The following TAF4 variants were observed in gnomAD, a reference collection of about 807,000 sequenced individuals.
TAF4 encodes TATA-box binding protein associated factor 4, also known as transcription initiation factor TFIID subunit 4.
Under a neutral mutation model 90.3 loss-of-function variants are expected in TAF4, and 9 were observed. The observed-to-expected ratio is 0.10, with a 90% CI of 0.06 to 0.17. TAF4 has a LOEUF of 0.17. Ranked by LOEUF, TAF4 falls within the 10% of genes least tolerant of loss-of-function variation. The probability of loss-of-function intolerance (pLI) is 1.00; values close to 1 mark genes in which losing one functional copy is unlikely to be tolerated. For synonymous variants in TAF4, 818 were observed against 638.9 expected, an observed-to-expected ratio of 1.28 and a Z score of -4.23; for missense variants, 1,351 against 1,370.7, an observed-to-expected ratio of 0.99 and a Z score of 0.23.
intron 9 of TAF4, among the ~76,000 whole-genome samples, chr20:62,002,901 T>G (rs2055716052): frequency 6.6e-6 from 1 of 152,234 alleles, no homozygotes; most frequent in Admixed American, 6.5e-5. Flanking sequence ...AAAAATGAAT[T>G]TCCTATTAGT....
intron 13 of TAF4, among the ~76,000 whole-genome samples, 197 bp downstream of exon 13, chr20:61,997,939 A>C (rs2055673746): frequency 6.6e-6 from 1 of 152,266 alleles, no homozygotes; most frequent in Non-Finnish European, 1.5e-5. Context: ...GTCACCGTTG[A>C]ATTTAAAAGT....
rs2056123966 is a variant in TAF4, at chr20:62,065,367, C to CGCGGCGACG, written c.435_443dup (p.Val146_Ala148dup). 6 of 966,210 alleles carry CGCGGCGACG rather than the reference C, an allele frequency of 6.2e-6. No individual in the cohort carries two copies. The highest frequency in any genetic ancestry group is 3.7e-6 in the Non-Finnish European group (3 of 821,028). The allele number at this position is 966,210 out of a possible 1,614,324, so 59.9% of individuals were successfully genotyped here. ...GGCCGGCGGGGGCGGGCTCGGGCCC[C>CGCGGCGACG]GCGGCGACGGCGGCGGCGGCGGGCA... On this transcript the variant is annotated inframe_insertion, in exon 1 of 15. Transcript: ENST00000252996.
At chr20:62,023,088 C>A (rs2055852922) in intron 1 of TAF4, among the ~76,000 whole-genome samples, 1 of 152,152 alleles carries the variant, frequency 6.6e-6, no homozygotes. Context: ...TAGAAACTGA[C>A]AAGGTGATTC....
chr20:62,040,819 G>A (rs1267583170), intron 1 of TAF4, among the ~76,000 whole-genome samples: 2 of 152,190 alleles, frequency 1.3e-5, no homozygotes, highest in Non-Finnish European at 2.9e-5. Flanking sequence ...ACGACTCAGC[G>A]ATTCCACTCC....
At chr20:61,988,177 C>T (rs1241342347) in intron 14 of TAF4, among the ~76,000 whole-genome samples, 1 of 152,088 alleles carries the variant, frequency 6.6e-6, no homozygotes, top group Non-Finnish European at 1.5e-5. Flanking sequence ...AATGTACACA[C>T]CAAGAGTGCA....
Position 62,006,498 on chromosome 20 carries a change from C to A in TAF4, c.2223+12G>T. On this transcript the variant is annotated intron_variant, in intron 7 of 14. Transcript: ENST00000252996. The surrounding 1 kb of genome is among the most constrained non-coding windows in gnomAD (Gnocchi z 7.0). Reference sequence around the variant, plus strand: ...GTGGGCTGTGCAGACCAGTCAGGCGCCCCTTCCATACCAGCGGTGTGGGTT... The same window carrying A: ...GTGGGCTGTGCAGACCAGTCAGGCGACCCTTCCATACCAGCGGTGTGGGTT... 2.0e-6 allele frequency: 3 copies of A among 1,498,706 alleles called. No homozygotes were observed. Among genetic ancestry groups the A allele is most frequent in the Non-Finnish European group, 2.7e-6 (3 of 1,123,824 alleles). 92.8% of individuals were successfully genotyped at this position (1,498,706 alleles called of 1,614,324 possible). A position where few individuals can be genotyped will look rare whatever the true frequency, so the allele number is the denominator to read the frequency against.
chr20:62,050,505 C>T (rs902933285), intron 1 of TAF4, among the ~76,000 whole-genome samples: 1 of 152,078 alleles, frequency 6.6e-6, no homozygotes, highest in East Asian at 1.9e-4. Context: ...GGGGTGCTGG[C>T]AGCACAGTCT....
rs2056117207 is a variant in TAF4 at position 62,064,999 on chromosome 20, G to A, written c.812C>T (p.Pro271Leu). The A allele has an allele frequency of 3.8e-6, 1 of 266,534 alleles. No individual in the cohort carries two copies. The highest frequency in any genetic ancestry group is 5.4e-6 in the Non-Finnish European group (1 of 183,734). The allele number at this position is 266,534 out of a possible 1,614,324, so 16.5% of individuals were successfully genotyped here. ...PAPAAPAAAP[P>L]PPPPAPATLA... ...AGTGGCGGGCGCGGGGGGTGGCGGG[G>A]GCGGGGCGGCGGCGGGGGCGGCGGG... Residue 271 changes from proline to leucine, a missense_variant, in exon 1 of 15, where the codon CCC becomes CTC. Coordinates refer to ENST00000252996, the MANE Select transcript of TAF4 (RefSeq NM_003185.4).
intron 1 of TAF4, among the ~76,000 whole-genome samples, chr20:62,035,102 G>T (rs1000382541): frequency 9.9e-5 from 15 of 152,176 alleles, no homozygotes; most frequent in Admixed American, 3.3e-4. Flanking sequence ...TTACAGGCGT[G>T]AGCCACCGCA....
chr20:62,062,664 C>T (rs2056095904), intron 1 of TAF4, among the ~76,000 whole-genome samples: 1 of 152,164 alleles, frequency 6.6e-6, no homozygotes, highest in South Asian at 2.1e-4. Context: ...CAAACACACC[C>T]GACCCTAAAA....
chr20:62,016,155 T>C (rs1047561750), intron 1 of TAF4, among the ~76,000 whole-genome samples: 1 of 152,226 alleles, frequency 6.6e-6, no homozygotes, highest in Non-Finnish European at 1.5e-5. Context: ...CCAGAGCTGC[T>C]GCGCGTAACG....
chr20:61,993,954 T>A (rs1215437155), intron 14 of TAF4, among the ~76,000 whole-genome samples: 1 of 152,126 alleles, frequency 6.6e-6, no homozygotes, highest in Non-Finnish European at 1.5e-5. Context: ...GGTTTCACCA[T>A]CTTGGCCAGG....
At chr20:62,060,233 C>G (rs2056082159) in intron 1 of TAF4, among the ~76,000 whole-genome samples, 1 of 152,228 alleles carries the variant, frequency 6.6e-6, no homozygotes, top group Non-Finnish European at 1.5e-5. Context: ...GGTCCATTTG[C>G]CACAGAAGCA....
chr20:61,985,968 G>C (rs71323564), intron 14 of TAF4, among the ~76,000 whole-genome samples: 61,390 of 101,032 alleles, frequency 0.61, 16,539 homozygotes, highest in Middle Eastern at 0.76. Context: ...ACCAAAGGAA[G>C]CACCATCCCC....
chr20:61,989,030 G>C (rs6089584), intron 14 of TAF4, among the ~76,000 whole-genome samples: 91,911 of 151,978 alleles, frequency 0.6, 28,217 homozygotes, highest in Middle Eastern at 0.76. Flanking sequence ...TACACTGAAT[G>C]ATGGGAACCA....
chr20:61,999,655 A>G (rs1486348639), intron 11 of TAF4, among the ~76,000 whole-genome samples: 2 of 152,220 alleles, frequency 1.3e-5, no homozygotes, highest in Non-Finnish European at 2.9e-5. Context: ...GCCTTCCAAA[A>G]GGTAAACCCG....
chr20:61,991,437 T>C (rs1336343487), intron 14 of TAF4, among the ~76,000 whole-genome samples: 2 of 137,034 alleles, frequency 1.5e-5, no homozygotes, highest in Non-Finnish European at 3.1e-5. Flanking sequence ...AAATAAAAAT[T>C]AAAAAAAAAG....
chr20:61,979,481 G>A (rs1264167421), intron 14 of TAF4, among the ~76,000 whole-genome samples: 6 of 149,784 alleles, frequency 4.0e-5, no homozygotes, highest in African/African-American at 1.5e-4. Context: ...CCACTCCAGA[G>A]GGACTGCGGC....
intron 14 of TAF4, among the ~76,000 whole-genome samples, chr20:61,992,024 A>G (rs2055634760): frequency 6.6e-6 from 1 of 152,238 alleles, no homozygotes; most frequent in South Asian, 2.1e-4. Flanking sequence ...ACAGACCTTC[A>G]GGTACAAAGG....
Sources: allele counts gnomAD v4.1 joint callset (sites outside exome capture counted in the v4.1 genomes callset), GRCh38; gene constraint gnomAD v4.1.1; non-coding constraint Gnocchi (gnomAD v3.1); transcripts MANE v1.5; gene names NCBI Gene and HGNC (gene_info 2026-07-23, HGNC 2026-07-21).